The following BIRC6 variants were observed in gnomAD, a reference collection of about 807,000 sequenced individuals.
The protein encoded by BIRC6 is dual E2 ubiquitin-conjugating enzyme/E3 ubiquitin-protein ligase BIRC6.
A neutral mutation model predicts 503.3 loss-of-function variants in BIRC6; 98 were observed. The ratio of observed to expected loss-of-function variants is 0.19; its 90% CI spans 0.17 to 0.23. BIRC6 has a LOEUF of 0.23. Among genes scored for constraint, BIRC6 ranks in the 10% least tolerant of loss-of-function variants. The pLI, the probability that BIRC6 is intolerant of heterozygous loss-of-function variation, is 1.00. For synonymous variants in BIRC6, 2,240 were observed against 2,078.7 expected (o/e 1.08, Z -2.11); for missense variants, 5,360 against 5,806.0 (o/e 0.92, Z 2.50).
At chr2:32,397,598 G>A (rs1205688911) in intron 6 of BIRC6, among the ~76,000 whole-genome samples, 2 of 143,276 alleles carry the variant, frequency 1.4e-5, no homozygotes, top group African/African-American at 2.8e-5. Flanking sequence ...GTGTGTGTGT[G>A]TGTGTGTATA....
chr2:32,588,127 G>A (rs1302898272), intron 66 of BIRC6, among the ~76,000 whole-genome samples: 1 of 152,136 alleles, frequency 6.6e-6, no homozygotes, highest in Non-Finnish European at 1.5e-5. Context: ...TGGGAGGCAG[G>A]TGGATCACAT....
At position 32,357,449 on chromosome 2, in the gene BIRC6, C is replaced by T; in HGVS notation, c.288C>T (p.Gly96=). Residue 96 remains glycine (G), a synonymous_variant, in exon 1 of 74, where the codon GGC becomes GGT. Transcript: ENST00000421745. The surrounding 1 kb of genome is among the most constrained non-coding windows in gnomAD (Gnocchi z 4.9). ...GCGGGACCATCAAAGTCATCGACGGCACCTCGGGGGCCACACTGCAGGCCT... is the reference window on the plus strand; with the variant it reads ...GCGGGACCATCAAAGTCATCGACGGTACCTCGGGGGCCACACTGCAGGCCT... ...TSRGTIKVID[G]TSGATLQASA... is the part of the protein sequence containing the mutation. The T allele has an allele frequency of 1.3e-6, 2 of 1,550,430 alleles. No homozygotes were observed. The highest frequency in any genetic ancestry group is 1.7e-6 in the Non-Finnish European group (2 of 1,147,174).
chr2:32,455,444 A>G (rs2047154380), intron 23 of BIRC6, among the ~76,000 whole-genome samples: 1 of 151,814 alleles, frequency 6.6e-6, no homozygotes, highest in Non-Finnish European at 1.5e-5. Context: ...AACATGGCGA[A>G]ACCTCGTCTC....
intron 66 of BIRC6, among the ~76,000 whole-genome samples, chr2:32,580,144 G>A (rs181909570): frequency 9.9e-4 from 151 of 152,090 alleles, no homozygotes; most frequent in African/African-American, 3.2e-3. Context: ...AGTAGAGACG[G>A]GGTTTCACCA....
intron 65 of BIRC6, 50 bp downstream of exon 65, chr2:32,549,531 A>G (rs757191407): frequency 3.1e-6 from 4 of 1,277,090 alleles, no homozygotes; most frequent in Admixed American, 5.5e-5. Context: ...TTGTTTGCTT[A>G]TTTTATCATT....
At chr2:32,503,385 C>T (rs929080308) in intron 49 of BIRC6, 149 bp downstream of exon 49, 42 of 710,586 alleles carry the variant, frequency 5.9e-5, no homozygotes, top group Non-Finnish European at 8.7e-5. Context: ...GATATCTCGA[C>T]ATTCTACTTA....
chr2:32,588,405 A>C (rs1250649958), intron 66 of BIRC6, among the ~76,000 whole-genome samples: 5 of 152,114 alleles, frequency 3.3e-5, no homozygotes, highest in Non-Finnish European at 5.9e-5. Flanking sequence ...TTATTGATGG[A>C]TGTACTTTTC....
At chr2:32,369,715 A>G (rs2035501102) in intron 1 of BIRC6, among the ~76,000 whole-genome samples, 1 of 151,750 alleles carries the variant, frequency 6.6e-6, no homozygotes, top group Non-Finnish European at 1.5e-5. Flanking sequence ...GGCATGAGCC[A>G]TCTCGCCCGG....
In BIRC6 at chr2:32,469,422, G is replaced by A. The variant is rs1232982445; in HGVS notation, c.6155G>A (p.Ser2052Asn). ...CACTCTGTTCCTGCAGTTTTGCAGA[G>A]CACATTTCATGCCCAGGCCTGTGAA... ...NGHSVPAVLQSTFHAQACEEL... is the reference protein window; with the variant it reads ...NGHSVPAVLQNTFHAQACEEL... The change falls in exon 30 of 74, where the codon AGC (serine) becomes AAC (asparagine). Residue 2052 changes from serine (S) to asparagine (N), a missense_variant. This residue lies in a region of BIRC6 where 2,299 missense variants were observed against 2,267.2 expected (regional missense o/e 1.01). Transcript: ENST00000421745. 2.5e-6 allele frequency: 4 copies of A among 1,613,686 alleles called. No homozygotes were observed. Among genetic ancestry groups the A allele is most frequent in the Non-Finnish European group, 3.4e-6 (4 of 1,179,750 alleles).
At chr2:32,437,961 A>AT (rs1444190011) in intron 15 of BIRC6, among the ~76,000 whole-genome samples, 1 of 152,064 alleles carries the variant, frequency 6.6e-6, no homozygotes, top group Non-Finnish European at 1.5e-5. Context: ...GTTTTTAAAA[A>AT]TTTTTTATTT....
At chr2:32,481,280 G>T in intron 37 of BIRC6, 40 bp from the exon 38 acceptor site, 2 of 1,462,724 alleles carry the variant, frequency 1.4e-6, no homozygotes, top group South Asian at 1.5e-5. Context: ...AATTTTATGT[G>T]ATACACTCCA....
Position 32,535,150 on chromosome 2 carries a change from C to CAAAAAAAA in BIRC6, c.12291+3618_12291+3625dup, listed in dbSNP as rs1158856665. Among the ~76,000 whole-genome samples the CAAAAAAAA allele has an allele frequency of 5.5e-3, 40 of 7,280 alleles. 3 individuals are homozygous for CAAAAAAAA. The highest frequency in any genetic ancestry group is 0.01 in the East Asian group (2 of 200). The allele number at this position is 7,280 out of a possible 152,430, so 4.8% of individuals were successfully genotyped here. ...ACAAGACCTCATACCCCCAAAAAAG[C>CAAAAAAAA]AAAAAAAAAAAAAAAAAAAAAAAAA... is the stretch of plus-strand genomic sequence containing the variant. On this transcript the variant is annotated intron_variant, in intron 61 of 73. Coordinates refer to ENST00000421745, the MANE Select transcript of BIRC6 (RefSeq NM_016252.4).
At chr2:32,572,785 G>A (rs1278288002) in intron 65 of BIRC6, among the ~76,000 whole-genome samples, 3 of 152,178 alleles carry the variant, frequency 2.0e-5, no homozygotes, top group Non-Finnish European at 4.4e-5. Flanking sequence ...CCTGTCCTCT[G>A]CATCATCACT....
chr2:32,447,663 C>T (rs1217624413), intron 21 of BIRC6, among the ~76,000 whole-genome samples: 3 of 119,258 alleles, frequency 2.5e-5, no homozygotes, highest in Non-Finnish European at 5.4e-5. Context: ...GCTGACCCCC[C>T]CTCCCCCCTC....
intron 15 of BIRC6, among the ~76,000 whole-genome samples, chr2:32,439,020 A>T (rs1315808005): frequency 1.3e-5 from 2 of 152,164 alleles, no homozygotes; most frequent in Non-Finnish European, 2.9e-5. Context: ...AAACCCAGGT[A>T]GTGACTCCAA....
intron 69 of BIRC6, 144 bp from the exon 70 acceptor site, chr2:32,599,595 G>A (rs536620173): frequency 1.9e-5 from 14 of 718,456 alleles, no homozygotes; most frequent in East Asian, 5.7e-5. Flanking sequence ...CCGAGATTGC[G>A]CCACTGCACT....
At chr2:32,423,719 G>A (rs2043181543) in intron 10 of BIRC6, among the ~76,000 whole-genome samples, 1 of 151,994 alleles carries the variant, frequency 6.6e-6, no homozygotes. Context: ...GTTATCTGTG[G>A]TCAGCTTTGG....
intron 66 of BIRC6, chr2:32,590,707 A>G: frequency 1.2e-6 from 1 of 849,826 alleles, no homozygotes; most frequent in African/African-American, 1.8e-5. Flanking sequence ...TTGTTTAACT[A>G]ATTAGCTATT....
intron 4 of BIRC6, 68 bp from the exon 5 acceptor site, chr2:32,391,970 AT>A: frequency 9.7e-7 from 1 of 1,031,452 alleles, no homozygotes; most frequent in East Asian, 2.7e-5. Flanking sequence ...TATTTTTTGC[AT>A]TGTTAAATAG....
Sources: allele counts gnomAD v4.1 joint callset (sites outside exome capture counted in the v4.1 genomes callset), GRCh38; gene constraint gnomAD v4.1.1; regional missense constraint gnomAD v4.1.1; non-coding constraint Gnocchi (gnomAD v3.1); transcripts MANE v1.5; gene names NCBI Gene and HGNC (gene_info 2026-07-23, HGNC 2026-07-21).